The following DENND4C variants were observed in gnomAD, a reference collection of about 807,000 sequenced individuals.
DENND4C encodes the protein DENN domain containing 4C.
Under a neutral mutation model 203.0 loss-of-function variants are expected in DENND4C, and 108 were observed. The observed-to-expected ratio is 0.53, with a 90% confidence interval of 0.46 to 0.62. DENND4C has a LOEUF of 0.62. Ranked by LOEUF, DENND4C falls within the 20% of genes least tolerant of loss-of-function variation. The pLI is 0.00. For synonymous variants in DENND4C, 871 were observed against 792.4 expected, an observed-to-expected ratio of 1.10 and a Z score of -1.67; for missense variants, 2,481 against 2,301.2, an observed-to-expected ratio of 1.08 and a Z score of -1.60.
chr9:19,282,302 C>T (rs1363011744), intron 2 of DENND4C, among the ~76,000 whole-genome samples: 1 of 151,872 alleles, frequency 6.6e-6, no homozygotes, highest in African/African-American at 2.4e-5. Flanking sequence ...GTTGCCCAGG[C>T]TGGAGTGTAG....
Position 19,237,618 on chromosome 9 carries a change from A to C in DENND4C, c.-18+6785A>C, listed in dbSNP as rs201136265. Among the ~76,000 whole-genome samples, 6 of 151,338 alleles carry C rather than the reference A, an allele frequency of 4.0e-5. No homozygotes were observed. The East Asian group carries it at 1.2e-3, about 30-fold the overall frequency. Reference sequence around the variant, plus strand: ...GTGATCCGCCCGCCTCGACCTCCCAAAGTGCTGGGATTACAGGCGTAGCCA... The same window carrying C: ...GTGATCCGCCCGCCTCGACCTCCCACAGTGCTGGGATTACAGGCGTAGCCA... On this transcript the variant is annotated intron_variant, in intron 1 of 32. Transcript: ENST00000434457.
intron 12 of DENND4C, among the ~76,000 whole-genome samples, chr9:19,321,850 A>G (rs936938736): frequency 4.6e-5 from 6 of 131,680 alleles, no homozygotes; most frequent in Admixed American, 7.7e-5. Flanking sequence ...AAAAAAAAAA[A>G]GAGAAATAGC....
chr9:19,259,978 A>G (rs1057087129), intron 1 of DENND4C, among the ~76,000 whole-genome samples: 2 of 152,142 alleles, frequency 1.3e-5, no homozygotes, highest in African/African-American at 2.4e-5. Context: ...GTATATATCT[A>G]TCATAGGGGA....
At chr9:19,254,067 T>C (rs34325970) in intron 1 of DENND4C, among the ~76,000 whole-genome samples, 11,512 of 152,300 alleles carry the variant, frequency 0.076, 492 homozygotes, top group Middle Eastern at 0.13. Flanking sequence ...TATTTTTTCT[T>C]CAAAAGCTTT....
intron 1 of DENND4C, among the ~76,000 whole-genome samples, chr9:19,233,198 C>T (rs1821018878): frequency 6.6e-6 from 1 of 152,144 alleles, no homozygotes; most frequent in African/African-American, 2.4e-5. Flanking sequence ...TTTGAATTTC[C>T]AGTGTAATAT....
At chr9:19,337,857 C>T (rs932343118) in intron 20 of DENND4C, among the ~76,000 whole-genome samples, 1 of 152,116 alleles carries the variant, frequency 6.6e-6, no homozygotes, top group Non-Finnish European at 1.5e-5. Flanking sequence ...GGTCAGTTTG[C>T]AAAGCATGTT....
At chr9:19,231,728 A>T (rs1277083355) in intron 1 of DENND4C, among the ~76,000 whole-genome samples, 1 of 151,956 alleles carries the variant, frequency 6.6e-6, no homozygotes, top group Non-Finnish European at 1.5e-5. Flanking sequence ...TTTGAGGGAA[A>T]GTGTCATTTC....
chr9:19,289,872 T>C (rs1835932796), intron 4 of DENND4C, among the ~76,000 whole-genome samples: 1 of 151,482 alleles, frequency 6.6e-6, no homozygotes, highest in Non-Finnish European at 1.5e-5. Context: ...TGCTGTAATA[T>C]GTTGATTATG....
chr9:19,297,646 T>C (rs186090012), intron 6 of DENND4C, among the ~76,000 whole-genome samples: 4 of 152,156 alleles, frequency 2.6e-5, no homozygotes, highest in Admixed American at 1.3e-4. Context: ...GGTGCAAAAA[T>C]AGAATGGGTA....
At chr9:19,243,173 A>T (rs1264938529) in intron 1 of DENND4C, among the ~76,000 whole-genome samples, 1 of 152,166 alleles carries the variant, frequency 6.6e-6, no homozygotes, top group Non-Finnish European at 1.5e-5. Flanking sequence ...CTAGCCCTAG[A>T]TAACCACTAA....
intron 20 of DENND4C, 66 bp from the exon 21 acceptor site, chr9:19,340,926 G>A: frequency 1.6e-6 from 2 of 1,289,296 alleles, no homozygotes; most frequent in African/African-American, 1.7e-5. Flanking sequence ...ATTTTCTTGT[G>A]ATTTTTATAT....
intron 1 of DENND4C, among the ~76,000 whole-genome samples, chr9:19,262,923 C>T (rs1389576838): frequency 6.6e-6 from 1 of 152,122 alleles, no homozygotes; most frequent in Non-Finnish European, 1.5e-5. Flanking sequence ...ATTTGGATGT[C>T]TTTATTTCTT....
chr9:19,315,155 C>CAAAAAAAA (rs10623955), intron 10 of DENND4C, among the ~76,000 whole-genome samples: 3 of 119,410 alleles, frequency 2.5e-5, no homozygotes, highest in Admixed American at 9.3e-5. Flanking sequence ...GACTCCGTCT[C>CAAAAAAAA]AAAAAAAAAA....
chr9:19,295,955 T>C, intron 5 of DENND4C, 53 bp from the exon 6 acceptor site: 1 of 1,342,698 alleles, frequency 7.4e-7, no homozygotes, highest in South Asian at 1.3e-5. Flanking sequence ...AAAAGAGAAG[T>C]TAATTTTTTC....
chr9:19,297,571 A>G (rs1158367282), intron 6 of DENND4C, among the ~76,000 whole-genome samples: 1 of 152,180 alleles, frequency 6.6e-6, no homozygotes, highest in Non-Finnish European at 1.5e-5. Context: ...TTGAAGTAAT[A>G]TGTTGCGTTT....
chr9:19,319,521 G>A (rs1464485085), intron 12 of DENND4C, among the ~76,000 whole-genome samples: 1 of 149,640 alleles, frequency 6.7e-6, no homozygotes, highest in African/African-American at 2.5e-5. Flanking sequence ...AAGATTAGAT[G>A]GTACAATTTG....
At chr9:19,304,599 C>T (rs993128232) in intron 9 of DENND4C, among the ~76,000 whole-genome samples, 2 of 151,318 alleles carry the variant, frequency 1.3e-5, no homozygotes, top group African/African-American at 4.9e-5. Flanking sequence ...TGCAGTGGCA[C>T]AGTCTCTGCT....
chr9:19,345,611 T>C (rs1224320413), intron 22 of DENND4C, among the ~76,000 whole-genome samples: 1 of 152,234 alleles, frequency 6.6e-6, no homozygotes, highest in Admixed American at 6.5e-5. Context: ...AGAGATTCTT[T>C]CTTTTTCTGT....
intron 10 of DENND4C, among the ~76,000 whole-genome samples, chr9:19,307,266 G>A (rs1484987259): frequency 2.6e-5 from 4 of 151,466 alleles, no homozygotes; most frequent in Non-Finnish European, 5.9e-5. Context: ...GTGGTGGTGC[G>A]TGCCTGTAGT....
Sources: gnomAD v4.1 joint callset for allele counts (sites outside exome capture counted in the v4.1 genomes callset) on GRCh38, gnomAD v4.1.1 for gene constraint, MANE v1.5 for transcripts, NCBI Gene and HGNC (gene_info 2026-07-23, HGNC 2026-07-21) for gene names.